The following MMRN2 variants were observed in gnomAD, a reference collection of about 807,000 sequenced individuals.
MMRN2 encodes the protein multimerin-2.
Under a neutral mutation model 68.8 loss-of-function variants are expected in MMRN2, and 53 were observed. The observed-to-expected ratio is 0.77, with a 90% CI of 0.62 to 0.97. The LOEUF is 0.97. Ranked by LOEUF, MMRN2 falls within the 50% of genes least tolerant of loss-of-function variation. The pLI, the probability that MMRN2 is intolerant of heterozygous loss-of-function variation, is 0.00. For synonymous variants in MMRN2, 564 were observed against 551.6 expected (o/e 1.02, Z -0.32); for missense variants, 1,266 against 1,259.5 (o/e 1.01, Z -0.08).
intron 1 of MMRN2, chr10:86,949,565 G>A (rs906165722): frequency 6.6e-6 from 1 of 151,398 alleles, no homozygotes; most frequent in African/African-American, 2.4e-5. Flanking sequence ...CAAAACCATT[G>A]TGTGACACTT....
chr10:86,943,298 T>C lies in MMRN2; in HGVS notation c.1486A>G (p.Lys496Glu). The change falls in exon 6 of 7, where the codon AAG becomes GAG. Residue 496 changes from lysine (K) to glutamate (E), a missense_variant. Lys to Glu is a moderately conservative substitution (Grantham distance 56). Coordinates refer to ENST00000372027, the MANE Select transcript of MMRN2 (RefSeq NM_024756.3). This position sits in a 1 kb window ranked among gnomAD's most constrained non-coding sequence, Gnocchi z 4.2. ...ATGACGTCCAGGTCTAAATAGAGCT[T>C]CTGGCAATTGCAGTCCTTCACGTAC... Reference protein sequence around the residue: ...IKYVKDCNCQKLYLDLDVIRE... With the variant: ...IKYVKDCNCQELYLDLDVIRE... The C allele has an allele frequency of 6.2e-7, 1 of 1,613,754 alleles. No individual in the cohort carries two copies.
At chr10:86,951,279 G>C (rs1844140271) in intron 1 of MMRN2, among the ~76,000 whole-genome samples, 1 of 152,188 alleles carries the variant, frequency 6.6e-6, no homozygotes, top group African/African-American at 2.4e-5. Context: ...CAGGAGATCA[G>C]CAAACTTTTT....
chr10:86,951,268 T>C (rs1844140074), intron 1 of MMRN2, among the ~76,000 whole-genome samples: 1 of 152,200 alleles, frequency 6.6e-6, no homozygotes, highest in Non-Finnish European at 1.5e-5. Flanking sequence ...TGACTCCTAA[T>C]CAGGAGATCA....
chr10:86,955,158 C>T (rs1178360395), intron 1 of MMRN2, among the ~76,000 whole-genome samples: 3 of 152,146 alleles, frequency 2.0e-5, no homozygotes, highest in East Asian at 1.9e-4. Flanking sequence ...CCCCACCCCT[C>T]CAAGCTATCA....
At position 86,942,845 on chromosome 10, in the gene MMRN2, C is replaced by A; in HGVS notation, c.1939G>T (p.Gly647Trp). 7.2e-7 allele frequency: 1 copy of A among 1,383,694 alleles called. No individual in the cohort carries two copies. The highest frequency in any genetic ancestry group is 3.1e-5 in the East Asian group (1 of 32,382). 85.7% of individuals were successfully genotyped at this position (1,383,694 alleles called of 1,614,324 possible). A position where few individuals can be genotyped will look rare whatever the true frequency, so the allele number is the denominator to read the frequency against. Residue 647 changes from glycine to tryptophan, a missense_variant, in exon 6 of 7, where the codon GGG becomes TGG. Transcript: ENST00000372027. ...IRVALQDAAS[G>W]LQEQALGWDE... Reference sequence around the variant, plus strand: ...CAGCCGAGCGCCTGCTCCTGCAGCCCGCTAGCGGCGTCCTGCAGGGCCACG... The same window carrying A: ...CAGCCGAGCGCCTGCTCCTGCAGCCAGCTAGCGGCGTCCTGCAGGGCCACG...
chr10:86,951,238 A>G (rs1343557706), intron 1 of MMRN2, among the ~76,000 whole-genome samples: 3 of 152,248 alleles, frequency 2.0e-5, no homozygotes, highest in East Asian at 1.9e-4. Flanking sequence ...GACTGTCTCA[A>G]CAAGCCTTAT....
At position 86,943,892 on chromosome 10, in the gene MMRN2, G is replaced by A; in HGVS notation, c.892C>T (p.Gln298Ter). ...TGACCCACTCTCTGAGTGTTCTCCT[G>A]GACCTTGGCCTCAAATTTGGCACCA... The part of the protein sequence containing the change: ...ELGAKFEAKV[Q>*]ENTQRVGQLR... The change falls in exon 6 of 7, where the codon CAG (glutamine) becomes TAG (stop). Residue 298 changes from glutamine (Q) to a stop codon, truncating the protein, a stop_gained. Coordinates refer to ENST00000372027, the MANE Select transcript of MMRN2 (RefSeq NM_024756.3). LOFTEE classifies it high-confidence loss of function. The surrounding 1 kb of genome is among the most constrained non-coding windows in gnomAD (Gnocchi z 4.2). The A allele has an allele frequency of 6.2e-7, 1 of 1,614,036 alleles. No homozygotes were observed. The highest frequency in any genetic ancestry group is 8.5e-7 in the Non-Finnish European group (1 of 1,180,042).
Position 86,942,813 on chromosome 10 carries a change from C to G in MMRN2, c.1971G>C (p.Glu657Asp). 4 of 1,360,532 alleles carry G rather than the reference C, an allele frequency of 2.9e-6. No individual in the cohort carries two copies. The highest frequency in any genetic ancestry group is 3.8e-6 in the Non-Finnish European group (4 of 1,058,184). The allele number at this position is 1,360,532 out of a possible 1,614,324, so 84.3% of individuals were successfully genotyped here. A position where few individuals can be genotyped will look rare whatever the true frequency, so the allele number is the denominator to read the frequency against. ...CCAGGGCCGTCACTCGGGCGGCCAGCTCGTCCCAGCCGAGCGCCTGCTCCT... is the reference window on the plus strand; with the variant it reads ...CCAGGGCCGTCACTCGGGCGGCCAGGTCGTCCCAGCCGAGCGCCTGCTCCT... ...GLQEQALGWD[E>D]LAARVTALEQ... Residue 657 changes from glutamate to aspartate, a missense_variant, in exon 6 of 7, where the codon GAG becomes GAC. Physicochemically the swap from Glu to Asp is conservative, Grantham distance 45. Coordinates refer to ENST00000372027, the MANE Select transcript of MMRN2 (RefSeq NM_024756.3).
chr10:86,940,233 C>T lies in MMRN2; in HGVS notation c.2467+2084G>A, dbSNP rs1843948704. Among the ~76,000 whole-genome samples the T allele has an allele frequency of 2.0e-5, 3 of 152,272 alleles. No individual in the cohort carries two copies. The South Asian group carries it at 6.2e-4, about 32-fold the overall frequency. ...CCATGTTGGCCAGGCTGGTCTTGAA[C>T]TCCTGACCTCAAGTGATCCACCCGC... On this transcript the variant is annotated intron_variant, in intron 6 of 6. Coordinates refer to ENST00000372027, the MANE Select transcript of MMRN2 (RefSeq NM_024756.3).
intron 6 of MMRN2, 23 bp downstream of exon 6, chr10:86,942,294 G>A (rs748537720): frequency 4.3e-5 from 68 of 1,581,150 alleles, no homozygotes; most frequent in East Asian, 2.0e-4. Context: ...GGCTCGTCCA[G>A]TCTCCCCAGC....
chr10:86,945,436 TC>T lies in MMRN2; in HGVS notation c.333del (p.Lys112ArgfsTer3). 1.9e-6 allele frequency: 3 copies of T among 1,568,666 alleles called. No individual in the cohort carries two copies. Among genetic ancestry groups the T allele is most frequent in the Non-Finnish European group, 1.7e-6 (2 of 1,155,552 alleles). ...MAHKPVYQVK[Q>X]KVLTSLAWRC... ...CTCCAGGCCAAAGAGGTCAGCACCT[TC>T]TGCTTGACCTGGTACACTGGCTTGT... On this transcript the variant is annotated frameshift_variant, in exon 3 of 7. Coordinates refer to ENST00000372027, the MANE Select transcript of MMRN2 (RefSeq NM_024756.3). LOFTEE classifies it high-confidence loss of function.
rs1270245592 is a variant in MMRN2, at chr10:86,943,579, C to T, written c.1205G>A (p.Arg402Lys). 1 of 1,614,132 alleles carries T rather than the reference C, an allele frequency of 6.2e-7. No individual in the cohort carries two copies. The highest frequency in any genetic ancestry group is 8.5e-7 in the Non-Finnish European group (1 of 1,180,034). ...EELQYTLEDM[R>K]ATLTRHVDEI... ...ATCCACGTGCCGGGTCAGGGTGGCC[C>T]TCATGTCCTCCAGGGTGTACTGCAA... is the stretch of plus-strand genomic sequence containing the variant. Residue 402 changes from arginine (R) to lysine (K), a missense_variant, in exon 6 of 7, where the codon AGG becomes AAG. Coordinates refer to ENST00000372027, the MANE Select transcript of MMRN2 (RefSeq NM_024756.3). The surrounding 1 kb of genome is among the most constrained non-coding windows in gnomAD (Gnocchi z 4.2).
chr10:86,951,002 T>A (rs1185563630), intron 1 of MMRN2, among the ~76,000 whole-genome samples: 1 of 152,022 alleles, frequency 6.6e-6, no homozygotes, highest in South Asian at 2.1e-4. Context: ...GCAGGATAAT[T>A]GCTTGAATCT....
Position 86,943,035 on chromosome 10 carries a change from G to C in MMRN2, c.1749C>G (p.Ala583=), listed in dbSNP as rs777785282. The change falls in exon 6 of 7, where the codon GCC becomes GCG. Residue 583 remains alanine (A), a synonymous_variant. Coordinates refer to ENST00000372027, the MANE Select transcript of MMRN2 (RefSeq NM_024756.3). This position sits in a 1 kb window ranked among gnomAD's most constrained non-coding sequence, Gnocchi z 4.2. ...GCTGGCGCACCTCGTGGCGGGCCTC[G>C]GCCGCGGCCGCCTTCAGCGCGCCCA... ...DEVGALKAAA[A]EARHEVRQLH... The C allele has an allele frequency of 3.0e-6, 4 of 1,350,384 alleles. No homozygotes were observed. Among genetic ancestry groups the C allele is most frequent in the Non-Finnish European group, 3.8e-6 (4 of 1,054,012 alleles). 83.7% of individuals were successfully genotyped at this position (1,350,384 alleles called of 1,614,324 possible). A position where few individuals can be genotyped will look rare whatever the true frequency, so the allele number is the denominator to read the frequency against.
chr10:86,946,917 G>A lies in MMRN2; in HGVS notation c.165-1228C>T, dbSNP rs372853466. On this transcript the variant is annotated intron_variant, in intron 1 of 6. Transcript: ENST00000372027. Reference sequence around the variant, plus strand: ...GGAGCTAATGGGGCTGTGTCTTAAGGCCAGAAAGTCGGATGAGGCACCAGA... The same window carrying A: ...GGAGCTAATGGGGCTGTGTCTTAAGACCAGAAAGTCGGATGAGGCACCAGA... 2.6e-5 allele frequency among the ~76,000 whole-genome samples: 4 copies of A among 152,260 alleles called. No homozygotes were observed. In the East Asian group the frequency reaches 5.8e-4, roughly 22 times the overall value.
Position 86,943,189 on chromosome 10 carries a change from G to C in MMRN2, c.1595C>G (p.Ser532Cys), listed in dbSNP as rs1397959596. The C allele has an allele frequency of 3.1e-6, 5 of 1,608,760 alleles. No homozygotes were observed. The highest frequency in any genetic ancestry group is 1.1e-5 in the South Asian group (1 of 90,940). The change falls in exon 6 of 7, where the codon TCC becomes TGC. Residue 532 changes from serine to cysteine, a missense_variant. By Grantham distance (112) the Ser-to-Cys change is moderately radical (BLOSUM62 -1). Coordinates refer to ENST00000372027, the MANE Select transcript of MMRN2 (RefSeq NM_024756.3). The surrounding 1 kb of genome is among the most constrained non-coding windows in gnomAD (Gnocchi z 4.2). Reference sequence around the variant, plus strand: ...CACGGCGTTCTGCAGGGCCTGCAGGGAGGAGCCGTCCAGCTGCCGCCGCTC... The same window carrying C: ...CACGGCGTTCTGCAGGGCCTGCAGGCAGGAGCCGTCCAGCTGCCGCCGCTC... The part of the protein sequence containing the change: ...LDERRQLDGS[S>C]LQALQNAVDA...
intron 6 of MMRN2, among the ~76,000 whole-genome samples, chr10:86,937,910 G>A (rs1400482794): frequency 6.6e-6 from 1 of 152,118 alleles, no homozygotes; most frequent in African/African-American, 2.4e-5. Context: ...AGAGCAGGTG[G>A]AGCCAGGGAA....
At chr10:86,955,759 G>C (rs1202471818) in intron 1 of MMRN2, among the ~76,000 whole-genome samples, 1 of 152,182 alleles carries the variant, frequency 6.6e-6, no homozygotes, top group African/African-American at 2.4e-5. Context: ...AGAGAGCATG[G>C]ACTTGCCCTG....
At chr10:86,947,506 A>G (rs1050711204) in intron 1 of MMRN2, among the ~76,000 whole-genome samples, 2 of 151,868 alleles carry the variant, frequency 1.3e-5, no homozygotes, top group African/African-American at 4.8e-5. Context: ...GTGGGCTGGG[A>G]TTACAGGTGC....
Sources: allele counts gnomAD v4.1 joint callset (sites outside exome capture counted in the v4.1 genomes callset), GRCh38; gene constraint gnomAD v4.1.1; non-coding constraint Gnocchi (gnomAD v3.1); transcripts MANE v1.5; gene names NCBI Gene and HGNC (gene_info 2026-07-23, HGNC 2026-07-21).